EPHB1: variants seen among roughly 807,000 people sequenced by gnomAD.
EPHB1 encodes ephrin type-B receptor 1.
In EPHB1, 30 loss-of-function variants were observed where a neutral mutation model predicts 94.4. That is an observed-to-expected ratio of 0.32 (90% CI 0.24 to 0.43). The LOEUF is 0.43. EPHB1 is among the 20% of genes least tolerant of loss of function. The pLI is 1.00. For synonymous variants in EPHB1, 522 were observed against 489.1 expected (o/e 1.07, Z -0.89); for missense variants, 1,055 against 1,308.3 (o/e 0.81, Z 2.99).
At chr3:134,845,228 G>A (rs773409296) in intron 1 of EPHB1, among the ~76,000 whole-genome samples, 4 of 152,302 alleles carry the variant, frequency 2.6e-5, no homozygotes, top group Admixed American at 2.6e-4. Flanking sequence ...GAAATAAGAT[G>A]CAGAAACCAT....
At chr3:134,817,761 C>A (rs1172888386) in intron 1 of EPHB1, among the ~76,000 whole-genome samples, 1 of 152,220 alleles carries the variant, frequency 6.6e-6, no homozygotes, top group African/African-American at 2.4e-5. Context: ...GCTCTGGAAA[C>A]ACAAGCTGTT....
At chr3:135,173,035 CTTTT>C (rs1325117108) in intron 9 of EPHB1, among the ~76,000 whole-genome samples, 3 of 136,774 alleles carry the variant, frequency 2.2e-5, no homozygotes, top group Non-Finnish European at 1.6e-5. Context: ...GAAATAGTTT[CTTTT>C]TTTTTTTTTT....
chr3:135,021,071 A>C (rs1335728866), intron 3 of EPHB1, among the ~76,000 whole-genome samples: 1 of 152,158 alleles, frequency 6.6e-6, no homozygotes, highest in East Asian at 1.9e-4. Context: ...TGTATTTTCT[A>C]ATTCTAACAG....
chr3:134,838,396 G>C (rs1396137184), intron 1 of EPHB1, among the ~76,000 whole-genome samples: 1 of 152,166 alleles, frequency 6.6e-6, no homozygotes, highest in African/African-American at 2.4e-5. Flanking sequence ...TTGGCTTCTT[G>C]ATTTCCTGTT....
intron 4 of EPHB1, among the ~76,000 whole-genome samples, chr3:135,131,603 T>C (rs183789269): frequency 6.6e-6 from 1 of 152,230 alleles, no homozygotes; most frequent in Non-Finnish European, 1.5e-5. Context: ...TGATCTGTTC[T>C]GGTTTTGGGC....
intron 2 of EPHB1, among the ~76,000 whole-genome samples, chr3:134,935,435 A>G (rs1004143037): frequency 1.1e-4 from 17 of 152,194 alleles, no homozygotes; most frequent in African/African-American, 3.9e-4. Context: ...AAGTTGGCCA[A>G]AATCCCACTA....
At chr3:135,026,591 G>C (rs1315820279) in intron 3 of EPHB1, among the ~76,000 whole-genome samples, 2 of 141,610 alleles carry the variant, frequency 1.4e-5, no homozygotes, top group Non-Finnish European at 3.1e-5. Flanking sequence ...TTTGGTACCA[G>C]TACCATGCTG....
At chr3:135,057,036 C>T (rs1017701471) in intron 3 of EPHB1, among the ~76,000 whole-genome samples, 1 of 152,282 alleles carries the variant, frequency 6.6e-6, no homozygotes, top group East Asian at 1.9e-4. Context: ...TGAACACCCC[C>T]CTAATAAATT....
chr3:135,232,881 T>C (rs1199951498), intron 12 of EPHB1, among the ~76,000 whole-genome samples: 1 of 152,142 alleles, frequency 6.6e-6, no homozygotes, highest in African/African-American at 2.4e-5. Flanking sequence ...GGAAAACTCC[T>C]TATAAAACAA....
intron 5 of EPHB1, among the ~76,000 whole-genome samples, chr3:135,136,278 G>A (rs7626150): frequency 1 from 151,939 of 152,316 alleles, 75,782 homozygotes; most frequent in Non-Finnish European, 1. Context: ...CTCAGAGACA[G>A]GCTTGTCTGT....
chr3:135,206,087 A>T (rs1010034085), intron 12 of EPHB1, among the ~76,000 whole-genome samples: 37 of 152,140 alleles, frequency 2.4e-4, no homozygotes, highest in African/African-American at 8.7e-4. Flanking sequence ...TTTGACCATC[A>T]ATTGGTTTTA....
intron 1 of EPHB1, among the ~76,000 whole-genome samples, chr3:134,806,796 G>A (rs544638328): frequency 6.6e-6 from 1 of 152,208 alleles, no homozygotes; most frequent in South Asian, 2.1e-4. Flanking sequence ...ACAGCCCTTG[G>A]GAGCATACAT....
chr3:135,106,690 CAT>C, intron 4 of EPHB1, 87 bp downstream of exon 4: 1 of 1,527,640 alleles, frequency 6.5e-7, no homozygotes, highest in Non-Finnish European at 9.0e-7. Context: ...GAGAAGACAT[CAT>C]CCTTTGATCC....
At chr3:134,808,890 C>A (rs1400526950) in intron 1 of EPHB1, among the ~76,000 whole-genome samples, 1 of 152,182 alleles carries the variant, frequency 6.6e-6, no homozygotes, top group African/African-American at 2.4e-5. Context: ...TATTTAGGGG[C>A]AAGATGAGAA....
At chr3:135,198,130 T>C (rs2107711943) in intron 11 of EPHB1, among the ~76,000 whole-genome samples, 1 of 152,312 alleles carries the variant, frequency 6.6e-6, no homozygotes, top group Admixed American at 6.5e-5. Context: ...TAATCCATCA[T>C]GGTTCTTCTC....
At chr3:134,923,094 G>A (rs2038721304) in intron 1 of EPHB1, among the ~76,000 whole-genome samples, 1 of 152,118 alleles carries the variant, frequency 6.6e-6, no homozygotes, top group African/African-American at 2.4e-5. Context: ...CTCTAAGCAG[G>A]GACCAGCCTC....
chr3:135,075,848 G>T (rs753318386), intron 3 of EPHB1, among the ~76,000 whole-genome samples: 30 of 152,218 alleles, frequency 2.0e-4, no homozygotes, highest in Non-Finnish European at 3.1e-4. Flanking sequence ...GCCTGATGGA[G>T]AGTCCCAGAA....
chr3:135,210,698 GC>G (rs1943011844), intron 12 of EPHB1, among the ~76,000 whole-genome samples: 1 of 152,192 alleles, frequency 6.6e-6, no homozygotes, highest in Non-Finnish European at 1.5e-5. Flanking sequence ...TGCTATTGCA[GC>G]GGCAGCTTTG....
chr3:134,952,420 AT>A (rs1032959430), intron 3 of EPHB1, among the ~76,000 whole-genome samples: 1 of 151,424 alleles, frequency 6.6e-6, no homozygotes, highest in Non-Finnish European at 1.5e-5. Flanking sequence ...TATATCCTGC[AT>A]CCAGCCCTAA....
Sources: allele counts gnomAD v4.1 joint callset (sites outside exome capture counted in the v4.1 genomes callset), GRCh38; gene constraint gnomAD v4.1.1; transcripts MANE v1.5; gene names NCBI Gene and HGNC (gene_info 2026-07-23, HGNC 2026-07-21).